ACACA: variants seen among roughly 807,000 people sequenced by gnomAD.
ACACA encodes the protein acetyl-CoA carboxylase alpha.
ACACA carries 103 observed loss-of-function variants against 296.1 expected under a neutral mutation model. The ratio of observed to expected loss-of-function variants is 0.35; its 90% CI spans 0.30 to 0.41. The LOEUF is 0.41. Ranked by LOEUF, ACACA falls within the 10% of genes least tolerant of loss-of-function variation. The probability of loss-of-function intolerance (pLI) is 1.00; values close to 1 mark genes in which losing one functional copy is unlikely to be tolerated. For missense variants in ACACA, 1,554 were observed against 2,989.7 expected (o/e 0.52, Z 11.20); for synonymous variants, 953 against 1,038.6 (o/e 0.92, Z 1.58).
chr17:37,100,708 T>TTTTG (rs2073311573), intron 52 of ACACA, among the ~76,000 whole-genome samples: 1 of 152,014 alleles, frequency 6.6e-6, no homozygotes, highest in African/African-American at 2.4e-5. Flanking sequence ...TAGACAGTAG[T>TTTTG]ATCAATGTTT....
intron 16 of ACACA, among the ~76,000 whole-genome samples, chr17:37,250,049 G>C (rs1229050070): frequency 6.6e-6 from 1 of 152,162 alleles, no homozygotes; most frequent in Non-Finnish European, 1.5e-5. Context: ...CGCCATGATT[G>C]TGAGGCCTCC....
intron 5 of ACACA, among the ~76,000 whole-genome samples, chr17:37,281,881 AAAC>A (rs1424882882): frequency 2.6e-5 from 4 of 152,178 alleles, no homozygotes; most frequent in Admixed American, 6.5e-5. Context: ...AAAAAGAAAA[AAAC>A]CACGCAAGTT....
At chr17:37,274,922 G>C (rs999364232) in intron 8 of ACACA, among the ~76,000 whole-genome samples, 6 of 151,952 alleles carry the variant, frequency 3.9e-5, no homozygotes, top group Non-Finnish European at 7.4e-5. Flanking sequence ...TCAAGACAGT[G>C]GTCATTCCCA....
intron 45 of ACACA, chr17:37,143,573 A>G (rs2075689143): frequency 4.6e-6 from 3 of 648,108 alleles, no homozygotes; most frequent in Non-Finnish European, 7.6e-6. Context: ...GTTTAAAAAA[A>G]TTCTTACACA....
chr17:37,219,972 T>C (rs929728558), intron 29 of ACACA, among the ~76,000 whole-genome samples: 4 of 152,104 alleles, frequency 2.6e-5, no homozygotes, highest in Non-Finnish European at 5.9e-5. Context: ...ATACCAATAA[T>C]AATGATGACA....
chr17:37,359,012 C>A (rs866645546), intron 1 of ACACA: 2 of 985,562 alleles, frequency 2.0e-6, no homozygotes, highest in African/African-American at 1.7e-5. Flanking sequence ...AGGGTGGCAA[C>A]GTGTGCGGTC....
rs768779280 is a variant in ACACA, at chr17:37,270,748, T to C, written c.1119+3A>G. 4.4e-6 allele frequency: 7 copies of C among 1,606,920 alleles called. No homozygotes were observed. The Admixed American group carries it at 1.0e-4, about 23-fold the overall frequency. ...AAACAAACAAAAACAGCTTATACTC[T>C]ACCTGTCTGAAGAGATTAGGGAAGT... On this transcript the variant is annotated splice_donor_region_variant and intron_variant, in intron 10 of 55. Transcript: ENST00000616317.
In ACACA at chr17:37,228,206, CTTTT is replaced by C. The variant is rs11299899; in HGVS notation, c.3247-1758_3247-1755del. On this transcript the variant is annotated intron_variant, in intron 25 of 55. Transcript: ENST00000616317. ...TTATGCTGGGAAGGTTTCTCAAACCCTTTTTTTTTTTTTTTTTTTTTTTTGAGAA... is the reference window on the plus strand; with the variant it reads ...TTATGCTGGGAAGGTTTCTCAAACCCTTTTTTTTTTTTTTTTTTTTGAGAA... 3.2e-3 allele frequency among the ~76,000 whole-genome samples: 343 copies of C among 106,056 alleles called. 1 individual carries two copies. The highest frequency in any genetic ancestry group is 0.011 in the Middle Eastern group (2 of 182). The allele number at this position is 106,056 out of a possible 152,430, so 69.6% of individuals were successfully genotyped here.
intron 3 of ACACA, among the ~76,000 whole-genome samples, chr17:37,324,386 C>A (rs926104057): frequency 1.3e-5 from 2 of 148,362 alleles, no homozygotes; most frequent in African/African-American, 5.0e-5. Context: ...AATAAATAAG[C>A]CAGGTGTGGT....
At position 37,230,125 on chromosome 17, in the gene ACACA, C is replaced by T. The variant is rs945686831; in HGVS notation, c.3247-3673G>A. ...TAAGGCCGGGTGCGGTGGCTCACAC[C>T]TGTAATCCCAGCATTTTGGGAGGCC... On this transcript the variant is annotated intron_variant, in intron 25 of 55. Transcript: ENST00000616317. Among the ~76,000 whole-genome samples the T allele has an allele frequency of 4.0e-5, 6 of 151,452 alleles. No individual in the cohort carries two copies. In the East Asian group the frequency reaches 9.8e-4, roughly 25 times the overall value.
chr17:37,163,989 T>C (rs2076565464), intron 41 of ACACA, among the ~76,000 whole-genome samples: 1 of 152,194 alleles, frequency 6.6e-6, no homozygotes, highest in African/African-American at 2.4e-5. Flanking sequence ...ACAGCTGTAG[T>C]TTTTCATGTC....
intron 2 of ACACA, among the ~76,000 whole-genome samples, chr17:37,332,569 A>G (rs2047931508): frequency 6.7e-6 from 1 of 148,882 alleles, no homozygotes; most frequent in African/African-American, 2.5e-5. Flanking sequence ...CCAGGAGTTC[A>G]AGACTAGCAT....
intron 3 of ACACA, among the ~76,000 whole-genome samples, chr17:37,327,234 G>T (rs1271046861): frequency 5.3e-5 from 8 of 152,120 alleles, no homozygotes; most frequent in African/African-American, 1.4e-4. Flanking sequence ...GAGATAATAT[G>T]TACTGTCCAT....
intron 10 of ACACA, among the ~76,000 whole-genome samples, chr17:37,265,798 C>T (rs1455207837): frequency 6.6e-6 from 1 of 152,188 alleles, no homozygotes; most frequent in Non-Finnish European, 1.5e-5. Flanking sequence ...GCTCCTAGCT[C>T]TGCCCTCTGG....
chr17:37,101,910 A>G (rs2073381248), intron 52 of ACACA, among the ~76,000 whole-genome samples: 1 of 152,222 alleles, frequency 6.6e-6, no homozygotes, highest in Non-Finnish European at 1.5e-5. Context: ...TACATGGACC[A>G]TATCTAACAC....
intron 26 of ACACA, 82 bp from the exon 27 acceptor site, chr17:37,225,187 C>A: frequency 1.2e-6 from 1 of 836,436 alleles, no homozygotes; most frequent in Non-Finnish European, 2.1e-6. Flanking sequence ...GATACAAAAG[C>A]AATAAATATA....
intron 25 of ACACA, among the ~76,000 whole-genome samples, chr17:37,231,142 G>A (rs1204874829): frequency 6.6e-6 from 1 of 151,718 alleles, no homozygotes; most frequent in South Asian, 2.1e-4. Context: ...GGGAGGCCAA[G>A]ATGGGAGGCC....
At chr17:37,144,910 C>T (rs1186693400) in intron 45 of ACACA, among the ~76,000 whole-genome samples, 1 of 152,128 alleles carries the variant, frequency 6.6e-6, no homozygotes, top group Non-Finnish European at 1.5e-5. Flanking sequence ...CTGCCTTTGG[C>T]ATATACCTTA....
At chr17:37,282,561 A>G (rs957190179) in intron 5 of ACACA, among the ~76,000 whole-genome samples, 7 of 152,242 alleles carry the variant, frequency 4.6e-5, no homozygotes, top group African/African-American at 1.7e-4. Flanking sequence ...CAACAAAGAA[A>G]AAACATATGC....
Sources: allele counts gnomAD v4.1 joint callset (sites outside exome capture counted in the v4.1 genomes callset), GRCh38; gene constraint gnomAD v4.1.1; transcripts MANE v1.5; gene names NCBI Gene and HGNC (gene_info 2026-07-23, HGNC 2026-07-21).